The following NCAM1 variants were observed in gnomAD, a reference collection of about 807,000 sequenced individuals.
NCAM1 encodes the protein neural cell adhesion molecule 1.
A neutral mutation model predicts 109.8 loss-of-function variants in NCAM1; 14 were observed. The observed-to-expected ratio is 0.13, with a 90% CI of 0.08 to 0.20. The LOEUF (loss-of-function observed/expected upper bound fraction) is 0.20, where lower values mean the gene tolerates loss of function less well. Ranked by LOEUF, NCAM1 falls within the 10% of genes least tolerant of loss-of-function variation. The probability of loss-of-function intolerance (pLI) is 1.00; values close to 1 mark genes in which losing one functional copy is unlikely to be tolerated. For missense variants in NCAM1, 774 were observed against 1,109.9 expected (o/e 0.70, Z 4.30); for synonymous variants, 418 against 442.9 (o/e 0.94, Z 0.70).
At chr11:113,255,045 G>A (rs1257597290) in intron 15 of NCAM1, among the ~76,000 whole-genome samples, 2 of 152,182 alleles carry the variant, frequency 1.3e-5, no homozygotes, top group African/African-American at 2.4e-5. Context: ...AGTGCTACAA[G>A]CTGAGTGTAT....
Position 113,056,006 on chromosome 11 carries a change from TA to T in NCAM1, c.52+94343del, listed in dbSNP as rs1273131893. ...ATATATATATATATATATATATATATATATATATATATATATATAAAATATA... is the reference window on the plus strand; with the variant it reads ...ATATATATATATATATATATATATATTATATATATATATATATAAAATATA... On this transcript the variant is annotated intron_variant, in intron 1 of 19. Transcript: ENST00000316851. 2.5e-5 allele frequency among the ~76,000 whole-genome samples: 3 copies of T among 122,228 alleles called. 1 individual carries two copies. The highest frequency in any genetic ancestry group is 1.0e-4 in the African/African-American group (3 of 29,424). 80.2% of individuals were successfully genotyped at this position (122,228 alleles called of 152,430 possible). A position where few individuals can be genotyped will look rare whatever the true frequency, so the allele number is the denominator to read the frequency against.
chr11:113,192,832 C>G (rs1197838720), intron 1 of NCAM1, among the ~76,000 whole-genome samples: 1 of 152,160 alleles, frequency 6.6e-6, no homozygotes, highest in Admixed American at 6.5e-5. Context: ...AGATAAGCGT[C>G]AGGTCCTTTC....
intron 14 of NCAM1, among the ~76,000 whole-genome samples, chr11:113,245,806 G>T (rs1377878098): frequency 6.6e-6 from 1 of 152,138 alleles, no homozygotes; most frequent in Admixed American, 6.5e-5. Flanking sequence ...TGTTCTTCTA[G>T]GGCACACAGT....
chr11:113,234,874 G>A (rs1471569195), intron 13 of NCAM1, among the ~76,000 whole-genome samples, 159 bp from the exon 14 acceptor site: 1 of 152,192 alleles, frequency 6.6e-6, no homozygotes, highest in Non-Finnish European at 1.5e-5. Context: ...TATCTGTTTG[G>A]TCCCGACTTT....
intron 1 of NCAM1, among the ~76,000 whole-genome samples, chr11:113,100,991 A>G (rs567912406): frequency 2.6e-5 from 4 of 152,288 alleles, no homozygotes; most frequent in Admixed American, 1.3e-4. Context: ...CAAAGGAGAA[A>G]GTGTCAAAAG....
chr11:113,176,540 AACC>A (rs1943147336), intron 1 of NCAM1, among the ~76,000 whole-genome samples: 1 of 152,110 alleles, frequency 6.6e-6, no homozygotes, highest in South Asian at 2.1e-4. Flanking sequence ...CATTTTGAAA[AACC>A]ATCTGGTCTA....
chr11:113,112,619 A>G (rs151108703), intron 1 of NCAM1, among the ~76,000 whole-genome samples: 1 of 152,292 alleles, frequency 6.6e-6, no homozygotes, highest in East Asian at 1.9e-4. Flanking sequence ...GACAGGGCTC[A>G]TTGTTCACCA....
intron 1 of NCAM1, among the ~76,000 whole-genome samples, chr11:113,188,453 G>A (rs1943578798): frequency 6.6e-6 from 1 of 152,130 alleles, no homozygotes; most frequent in African/African-American, 2.4e-5. Flanking sequence ...AGTTTGTTTG[G>A]GGAAGTTTCT....
intron 7 of NCAM1, among the ~76,000 whole-genome samples, chr11:113,211,729 G>T (rs1944396209): frequency 1.3e-5 from 2 of 152,188 alleles, no homozygotes; most frequent in South Asian, 4.1e-4. Context: ...GGTGCATCTG[G>T]TCATGCCCCA....
At chr11:113,124,912 G>T (rs1360420053) in intron 1 of NCAM1, among the ~76,000 whole-genome samples, 1 of 152,180 alleles carries the variant, frequency 6.6e-6, no homozygotes, top group Non-Finnish European at 1.5e-5. Context: ...TGTGCAGATT[G>T]CTTGAGGCCG....
At chr11:113,232,998 C>T (rs1945055983) in intron 12 of NCAM1, 149 bp from the exon 13 acceptor site, 5 of 945,994 alleles carry the variant, frequency 5.3e-6, no homozygotes, top group Non-Finnish European at 7.9e-6. Flanking sequence ...GGGGGAGAAG[C>T]ATCTGGTGAG....
At chr11:113,249,627 G>T (rs1555120897) in intron 15 of NCAM1, among the ~76,000 whole-genome samples, 1 of 152,182 alleles carries the variant, frequency 6.6e-6, no homozygotes, top group Non-Finnish European at 1.5e-5. Context: ...AACTGTTGAT[G>T]ATAGCAGTTA....
intron 9 of NCAM1, chr11:113,231,437 C>T (rs1555117181): frequency 2.2e-6 from 2 of 916,252 alleles, no homozygotes; most frequent in East Asian, 2.6e-5. Flanking sequence ...GTTTCGGATA[C>T]TCCCAGGTTC....
intron 1 of NCAM1, among the ~76,000 whole-genome samples, chr11:113,127,188 G>A (rs1016087490): frequency 5.9e-5 from 9 of 152,284 alleles, no homozygotes; most frequent in African/African-American, 9.6e-5. Context: ...ACACATTCCA[G>A]GGCTCTACCC....
intron 1 of NCAM1, among the ~76,000 whole-genome samples, chr11:113,074,152 C>A (rs1938420724): frequency 2.6e-5 from 4 of 152,176 alleles, no homozygotes; most frequent in African/African-American, 9.6e-5. Context: ...TCTCCAGATT[C>A]CCTTTGAGCT....
rs559658828 is a variant in NCAM1, at chr11:113,097,299, C to T, written c.53-105080C>T. Among the ~76,000 whole-genome samples the T allele has an allele frequency of 1.4e-4, 22 of 152,336 alleles. No homozygotes were observed. In the East Asian group the frequency reaches 3.3e-3, roughly 23 times the overall value. On this transcript the variant is annotated intron_variant, in intron 1 of 19. Coordinates refer to ENST00000316851, the MANE Select transcript of NCAM1 (RefSeq NM_181351.5). ...GTGGATTCAGCATAGTTTTATTGAG[C>T]ATCTTCTGTATGCCAGACACCTGCA...
intron 1 of NCAM1, among the ~76,000 whole-genome samples, chr11:113,164,835 C>T (rs1379286573): frequency 6.6e-6 from 1 of 152,122 alleles, no homozygotes; most frequent in African/African-American, 2.4e-5. Flanking sequence ...ATCTCCAATC[C>T]TTCCACCCTT....
At chr11:113,204,704 A>G (rs1353547195) in intron 3 of NCAM1, among the ~76,000 whole-genome samples, 200 bp downstream of exon 3, 1 of 152,192 alleles carries the variant, frequency 6.6e-6, no homozygotes, top group East Asian at 1.9e-4. Flanking sequence ...ACTCCCCCAC[A>G]GGCGTTCATT....
intron 9 of NCAM1, among the ~76,000 whole-genome samples, chr11:113,227,366 C>T (rs1272370694): frequency 6.6e-6 from 1 of 152,290 alleles, no homozygotes; most frequent in South Asian, 2.1e-4. Flanking sequence ...CATACACCCT[C>T]CCAAGACTAA....
Sources: allele counts gnomAD v4.1 joint callset (sites outside exome capture counted in the v4.1 genomes callset), GRCh38; gene constraint gnomAD v4.1.1; transcripts MANE v1.5; gene names NCBI Gene and HGNC (gene_info 2026-07-23, HGNC 2026-07-21).